The following LRRC7 variants were observed in gnomAD, a reference collection of about 807,000 sequenced individuals.
LRRC7 encodes leucine-rich repeat-containing protein 7.
A neutral mutation model predicts 175.7 loss-of-function variants in LRRC7; 23 were observed. That is an observed-to-expected ratio of 0.13 (90% CI 0.09 to 0.19). The LOEUF is 0.19. Ranked by LOEUF, LRRC7 falls within the 10% of genes least tolerant of loss-of-function variation. LRRC7 has a pLI of 1.00. For synonymous variants in LRRC7, 685 were observed against 680.9 expected, an observed-to-expected ratio of 1.01 and a Z score of -0.09; for missense variants, 1,354 against 1,904.7, an observed-to-expected ratio of 0.71 and a Z score of 5.38.
At chr1:69,799,458 A>G (rs543931974) in intron 4 of LRRC7, among the ~76,000 whole-genome samples, 96 of 152,172 alleles carry the variant, frequency 6.3e-4, no homozygotes, top group African/African-American at 2.2e-3. Flanking sequence ...AGAACATGCA[A>G]TATTTGACTT....
intron 7 of LRRC7, among the ~76,000 whole-genome samples, chr1:69,923,777 C>G (rs1249506766): frequency 2.6e-5 from 4 of 151,954 alleles, no homozygotes; most frequent in Non-Finnish European, 4.4e-5. Flanking sequence ...ATGGTAGTTT[C>G]TTTTGCTGTG....
chr1:69,643,914 C>T (rs754193419), intron 1 of LRRC7, among the ~76,000 whole-genome samples: 13 of 151,686 alleles, frequency 8.6e-5, no homozygotes, highest in East Asian at 3.9e-4. Flanking sequence ...AATTAAACAA[C>T]GTATTTAAAA....
At position 69,988,458 on chromosome 1, in the gene LRRC7, G is replaced by A. The variant is rs558448822; in HGVS notation, c.931+2072G>A. Among the ~76,000 whole-genome samples, 417 of 152,262 alleles carry A rather than the reference G, an allele frequency of 2.7e-3. 1 individual carries two copies. Among genetic ancestry groups the A allele is most frequent in the Non-Finnish European group, 4.9e-3 (331 of 68,010 alleles). On this transcript the variant is annotated intron_variant, in intron 10 of 26. Coordinates refer to ENST00000651989, the MANE Select transcript of LRRC7 (RefSeq NM_001370785.2). Reference sequence around the variant, plus strand: ...AAAATGATGTTTGCTTAAGAAGAATGAACATCAACCTGAACCTGTGATAGA... The same window carrying A: ...AAAATGATGTTTGCTTAAGAAGAATAAACATCAACCTGAACCTGTGATAGA...
At chr1:69,848,433 CA>C (rs888631374) in intron 7 of LRRC7, among the ~76,000 whole-genome samples, 64 of 151,866 alleles carry the variant, frequency 4.2e-4, no homozygotes, top group Non-Finnish European at 7.2e-4. Context: ...GGTAGGTGCA[CA>C]AAAAAATTAA....
Position 70,021,135 on chromosome 1 carries a change from C to A in LRRC7, c.1545+6C>A, listed in dbSNP as rs1657450336. 2 of 1,606,508 alleles carry A rather than the reference C, an allele frequency of 1.2e-6. No individual in the cohort carries two copies. Among genetic ancestry groups the A allele is most frequent in the African/African-American group, 2.7e-5 (2 of 74,458 alleles). ...AAAATGCTGGGAAAGTTAAGGTGAA[C>A]CTTTTAGCTTTTGTTTCCTCTTTCT... On this transcript the variant is annotated splice_donor_region_variant and intron_variant, in intron 16 of 26. Transcript: ENST00000651989.
intron 1 of LRRC7, among the ~76,000 whole-genome samples, chr1:69,655,951 C>T (rs1204586361): frequency 1.3e-5 from 2 of 151,974 alleles, no homozygotes; most frequent in African/African-American, 2.4e-5. Flanking sequence ...TATTAGACTA[C>T]ATATTGAAAT....
At chr1:69,824,291 A>G (rs1369921574) in intron 4 of LRRC7, among the ~76,000 whole-genome samples, 1 of 152,182 alleles carries the variant, frequency 6.6e-6, no homozygotes, top group African/African-American at 2.4e-5. Flanking sequence ...AAGATATTTA[A>G]AGAATTTTAT....
chr1:69,855,451 A>C (rs184843407), intron 7 of LRRC7, among the ~76,000 whole-genome samples: 1 of 152,296 alleles, frequency 6.6e-6, no homozygotes, highest in African/African-American at 2.4e-5. Flanking sequence ...TGAGTTTCTT[A>C]ACCCTGAGTT....
chr1:69,586,122 G>A (rs996181561), intron 1 of LRRC7, among the ~76,000 whole-genome samples: 3 of 152,098 alleles, frequency 2.0e-5, no homozygotes, highest in Non-Finnish European at 4.4e-5. Context: ...AGATGTTAGA[G>A]GATAAGTCAA....
chr1:69,754,022 T>A (rs1203275646), intron 2 of LRRC7, among the ~76,000 whole-genome samples: 1 of 151,976 alleles, frequency 6.6e-6, no homozygotes, highest in Non-Finnish European at 1.5e-5. Context: ...AAGGAAGCCA[T>A]AAGTGTAAAG....
chr1:69,807,455 T>G (rs557567983), intron 4 of LRRC7, among the ~76,000 whole-genome samples: 2 of 152,120 alleles, frequency 1.3e-5, no homozygotes. Flanking sequence ...TTTCCATGTT[T>G]AGTGCTTCCT....
chr1:69,672,639 C>T (rs746714536), intron 1 of LRRC7, among the ~76,000 whole-genome samples: 6 of 152,186 alleles, frequency 3.9e-5, no homozygotes, highest in African/African-American at 7.2e-5. Context: ...TATCCCAACT[C>T]CCTTTTCCTC....
chr1:69,871,394 A>G (rs965449273), intron 7 of LRRC7, among the ~76,000 whole-genome samples: 1 of 152,058 alleles, frequency 6.6e-6, no homozygotes, highest in Non-Finnish European at 1.5e-5. Context: ...CAAAACACTA[A>G]GATTCAATTG....
intron 2 of LRRC7, among the ~76,000 whole-genome samples, chr1:69,704,313 C>A (rs554519253): frequency 5.3e-5 from 8 of 152,030 alleles, no homozygotes; most frequent in Admixed American, 5.2e-4. Flanking sequence ...ACACTTTATT[C>A]ATTAGTTCAG....
At chr1:70,077,781 T>C (rs1439521193) in intron 24 of LRRC7, among the ~76,000 whole-genome samples, 1 of 152,220 alleles carries the variant, frequency 6.6e-6, no homozygotes, top group East Asian at 1.9e-4. Flanking sequence ...TACACATGTA[T>C]TGAGTTTAGA....
At chr1:69,590,065 A>G (rs1646572726) in intron 1 of LRRC7, among the ~76,000 whole-genome samples, 1 of 152,196 alleles carries the variant, frequency 6.6e-6, no homozygotes, top group African/African-American at 2.4e-5. Context: ...GTAAGGAAGA[A>G]AATGTAGGAA....
chr1:69,583,106 AG>A (rs1180859656), intron 1 of LRRC7, among the ~76,000 whole-genome samples: 4 of 151,790 alleles, frequency 2.6e-5, no homozygotes, highest in Non-Finnish European at 5.9e-5. Flanking sequence ...TAATATCTGG[AG>A]GATTTATGGA....
chr1:70,023,235 T>A lies in LRRC7; in HGVS notation c.1655T>A (p.Ile552Asn), dbSNP rs1392122539. 6.2e-7 allele frequency: 1 copy of A among 1,612,470 alleles called. No homozygotes were observed. The highest frequency in any genetic ancestry group is 1.7e-5 in the Admixed American group (1 of 59,844). Residue 552 changes from isoleucine to asparagine, a missense_variant, in exon 17 of 27, where the codon ATC (isoleucine) becomes AAC (asparagine). Ile to Asn is a moderately radical substitution (Grantham distance 149). Around this residue, in one of 4 missense-constraint regions of LRRC7, gnomAD observed 1,032 missense variants for 1,227.2 expected, o/e 0.84. Transcript: ENST00000651989. ...CTPWARCDQQ[I>N]QDMPVPQNDP... ...CCATGGGCCAGGTGTGATCAGCAGA[T>A]CCAAGATATGCCCGTCCCCCAGAAT...
At chr1:69,991,109 T>C (rs754501063) in intron 10 of LRRC7, among the ~76,000 whole-genome samples, 184 of 151,122 alleles carry the variant, frequency 1.2e-3, no homozygotes, top group Non-Finnish European at 2.3e-3. Context: ...AGAGCTATGA[T>C]TGTACCACTG....
Sources: allele counts gnomAD v4.1 joint callset (sites outside exome capture counted in the v4.1 genomes callset), GRCh38; gene constraint gnomAD v4.1.1; regional missense constraint gnomAD v4.1.1; transcripts MANE v1.5; gene names NCBI Gene and HGNC (gene_info 2026-07-23, HGNC 2026-07-21).